The following DCAF13 variants were observed in gnomAD, a reference collection of about 807,000 sequenced individuals.
DCAF13 encodes the protein DDB1- and CUL4-associated factor 13.
Under a neutral mutation model 59.0 loss-of-function variants are expected in DCAF13, and 38 were observed. That is an observed-to-expected ratio of 0.64 (90% CI 0.50 to 0.84). The LOEUF (loss-of-function observed/expected upper bound fraction) is 0.84, where lower values mean the gene tolerates loss of function less well. Among genes scored for constraint, DCAF13 ranks in the 40% least tolerant of loss-of-function variants. The pLI is 0.00. For synonymous variants in DCAF13, 173 were observed against 175.0 expected, an observed-to-expected ratio of 0.99 and a Z score of 0.09; for missense variants, 469 against 558.4, an observed-to-expected ratio of 0.84 and a Z score of 1.61.
intron 1 of DCAF13, among the ~76,000 whole-genome samples, chr8:103,419,556 A>T (rs1816694058): frequency 6.6e-6 from 1 of 152,218 alleles, no homozygotes; most frequent in South Asian, 2.1e-4. Context: ...AGAGATTAAT[A>T]ATGTTCCCTG....
rs1816805703 is a variant in DCAF13, at chr8:103,427,256, ATG to A, written c.624+6_624+7del. ...TGTTAAATTTAACCCAATTGAGGTA[ATG>A]TTTTTTTTTAAGTATGTTTTACTTA... is the stretch of plus-strand genomic sequence containing the variant. On this transcript the variant is annotated splice_donor_5th_base_variant and intron_variant, in intron 5 of 10. Coordinates refer to ENST00000612750, the MANE Select transcript of DCAF13 (RefSeq NM_015420.7). 1 of 1,607,340 alleles carries A rather than the reference ATG, an allele frequency of 6.2e-7. No individual in the cohort carries two copies. Among genetic ancestry groups the A allele is most frequent in the African/African-American group, 1.3e-5 (1 of 74,586 alleles).
chr8:103,440,224 A>G lies in DCAF13; in HGVS notation c.1039A>G (p.Met347Val). The G allele has an allele frequency of 6.2e-7, 1 of 1,600,662 alleles. No individual in the cohort carries two copies. The highest frequency in any genetic ancestry group is 8.5e-7 in the Non-Finnish European group (1 of 1,174,440). Residue 347 changes from methionine to valine, a missense_variant, in exon 9 of 11, where the codon ATG (methionine) becomes GTG (valine). Coordinates refer to ENST00000612750, the MANE Select transcript of DCAF13 (RefSeq NM_015420.7). ...SKYIMCGSDE[M>V]NIRLWKANAS... is the part of the protein sequence containing the mutation. ...GTATATTATGTGTGGATCTGATGAA[A>G]TGAACATTCGCCTGTGGAAAGCTAA...
intron 8 of DCAF13, among the ~76,000 whole-genome samples, chr8:103,439,073 T>G (rs940924952): frequency 8.5e-5 from 13 of 152,194 alleles, no homozygotes; most frequent in African/African-American, 3.1e-4. Context: ...AGTAGCACGA[T>G]CTCGGCTCAC....
chr8:103,430,814 T>G, intron 6 of DCAF13, 125 bp downstream of exon 6: 1 of 609,190 alleles, frequency 1.6e-6, no homozygotes, highest in Non-Finnish European at 2.8e-6. Context: ...ACAGGTGTTC[T>G]TAGAACTCTA....
chr8:103,427,452 A>G, intron 5 of DCAF13, 200 bp downstream of exon 5: 1 of 583,780 alleles, frequency 1.7e-6, no homozygotes, highest in Non-Finnish European at 3.0e-6. Flanking sequence ...CCCAGATACT[A>G]GAGTTAAGCA....
chr8:103,418,946 C>T (rs1288694944), intron 1 of DCAF13, among the ~76,000 whole-genome samples: 1 of 128,734 alleles, frequency 7.8e-6, no homozygotes, highest in South Asian at 2.7e-4. Context: ...TGCAGTGGCG[C>T]GATCTCGGCT....
At chr8:103,428,975 T>C (rs936028463) in intron 5 of DCAF13, 17 of 152,148 alleles carry the variant, frequency 1.1e-4, no homozygotes, top group Non-Finnish European at 1.5e-5. Context: ...GTGTCTCTTA[T>C]CCTGTTTTAA....
chr8:103,427,509 A>G (rs1816810720), intron 5 of DCAF13: 1 of 443,608 alleles, frequency 2.3e-6, no homozygotes, highest in African/African-American at 2.0e-5. Flanking sequence ...GTAAAATCCA[A>G]GTAAATATAG....
intron 1 of DCAF13, among the ~76,000 whole-genome samples, chr8:103,419,821 C>T (rs1375752779): frequency 6.6e-6 from 1 of 151,964 alleles, no homozygotes; most frequent in East Asian, 1.9e-4. Flanking sequence ...CCAGCCTGAC[C>T]AATATGGTGA....
At chr8:103,439,440 G>GTA in intron 8 of DCAF13, 1 of 132,534 alleles carries the variant, frequency 7.5e-6, no homozygotes, top group South Asian at 2.4e-4. Context: ...CCACGCTGGA[G>GTA]TACAGTGGCA....
chr8:103,429,157 C>T (rs1001219218), intron 5 of DCAF13: 2 of 152,092 alleles, frequency 1.3e-5, no homozygotes, highest in Non-Finnish European at 2.9e-5. Flanking sequence ...GGCATTTGGT[C>T]TAGGTAGATT....
chr8:103,436,726 A>G (rs1425510453), intron 8 of DCAF13, among the ~76,000 whole-genome samples: 1 of 152,148 alleles, frequency 6.6e-6, no homozygotes, highest in East Asian at 1.9e-4. Flanking sequence ...CCCCCTGTAT[A>G]GTGAATTATG....
chr8:103,440,735 T>G (rs1011736715), intron 9 of DCAF13: 1 of 152,308 alleles, frequency 6.6e-6, no homozygotes, highest in Non-Finnish European at 1.5e-5. Flanking sequence ...TAAAAAAGAT[T>G]CCATGAAAAA....
chr8:103,416,399 G>A (rs1470802508), intron 1 of DCAF13, among the ~76,000 whole-genome samples: 1 of 152,230 alleles, frequency 6.6e-6, no homozygotes, highest in Admixed American at 6.5e-5. Context: ...ATCGTTCCCA[G>A]TCCTTGAATC....
In DCAF13 at chr8:103,427,100, G is replaced by T; in HGVS notation, c.472G>T (p.Val158Leu). 1 of 1,609,130 alleles carries T rather than the reference G, an allele frequency of 6.2e-7. No homozygotes were observed. Among genetic ancestry groups the T allele is most frequent in the Non-Finnish European group, 8.5e-7 (1 of 1,178,732 alleles). ...CTTAACCTTTTTGCTTTTAAAGACA[G>T]TGTATACTGGGATTGATCATCACTG... Reference protein sequence around the residue: ...EPLHTILGKTVYTGIDHHWKE... With the variant: ...EPLHTILGKTLYTGIDHHWKE... Residue 158 changes from valine to leucine, a missense_variant, in exon 5 of 11, where the codon GTG (valine) becomes TTG (leucine). Transcript: ENST00000612750.
intron 5 of DCAF13, chr8:103,429,077 T>C (rs1334383933): frequency 6.6e-6 from 1 of 152,210 alleles, no homozygotes; most frequent in African/African-American, 2.4e-5. Context: ...TCTTAAAATA[T>C]TGAAGCCTAG....
chr8:103,435,791 G>A lies in DCAF13; in HGVS notation c.950+1G>A, dbSNP rs754661386. On this transcript the variant is annotated splice_donor_variant, in intron 8 of 10. Coordinates refer to ENST00000612750, the MANE Select transcript of DCAF13 (RefSeq NM_015420.7). LOFTEE classifies it high-confidence loss of function. ...TTCCTGTAGACAAAAGTCGAAGCAGGTATGTGCCTACCAGTAAGCCATTTA... is the reference window on the plus strand; with the variant it reads ...TTCCTGTAGACAAAAGTCGAAGCAGATATGTGCCTACCAGTAAGCCATTTA... The A allele has an allele frequency of 6.2e-6, 10 of 1,613,202 alleles. No homozygotes were observed. Among genetic ancestry groups the A allele is most frequent in the Non-Finnish European group, 8.5e-6 (10 of 1,179,592 alleles).
intron 3 of DCAF13, among the ~76,000 whole-genome samples, chr8:103,424,793 A>G (rs570478887): frequency 2.0e-5 from 3 of 152,232 alleles, no homozygotes; most frequent in Non-Finnish European, 4.4e-5. Flanking sequence ...GTCAAGCCAG[A>G]TCAGTCAAGA....
chr8:103,419,877 C>G (rs12677876), intron 1 of DCAF13, among the ~76,000 whole-genome samples: 25,475 of 151,840 alleles, frequency 0.17, 2,303 homozygotes, highest in East Asian at 0.34. Flanking sequence ...GGCGTGGTGG[C>G]ATGCGCCTGT....
Sources: allele counts gnomAD v4.1 joint callset (sites outside exome capture counted in the v4.1 genomes callset), GRCh38; gene constraint gnomAD v4.1.1; transcripts MANE v1.5; gene names NCBI Gene and HGNC (gene_info 2026-07-23, HGNC 2026-07-21).